PTPRB: variants seen among roughly 807,000 people sequenced by gnomAD.
PTPRB encodes the protein protein tyrosine phosphatase receptor type B.
Under a neutral mutation model 238.1 loss-of-function variants are expected in PTPRB, and 97 were observed. The observed-to-expected ratio is 0.41, with a 90% CI of 0.35 to 0.48. The LOEUF is 0.48. Among genes scored for constraint, PTPRB ranks in the 20% least tolerant of loss-of-function variants. The pLI, the probability that PTPRB is intolerant of heterozygous loss-of-function variation, is 0.30. For synonymous variants in PTPRB, 970 were observed against 995.4 expected, an observed-to-expected ratio of 0.97 and a Z score of 0.48; for missense variants, 2,292 against 2,681.9, an observed-to-expected ratio of 0.85 and a Z score of 3.21.
rs116298867 is a variant in PTPRB at position 70,561,717 on chromosome 12, C to G, written c.4169-783G>C. Among the ~76,000 whole-genome samples, 142 of 152,330 alleles carry G rather than the reference C, an allele frequency of 9.3e-4. 3 individuals carry two copies. The highest frequency in any genetic ancestry group is 3.3e-3 in the African/African-American group (139 of 41,588). ...GGCTCCCCTCACCTTTAGGTCTCTG[C>G]TGAAATGCCTTCTCCTATCTAAAGC... On this transcript the variant is annotated intron_variant, in intron 16 of 33. Transcript: ENST00000334414.
chr12:70,587,042 T>G lies in PTPRB; in HGVS notation c.2276A>C (p.Asp759Ala). Residue 759 changes from aspartate to alanine, a missense_variant, in exon 9 of 34, where the codon GAC becomes GCC. Asp to Ala is a moderately radical substitution (Grantham distance 126, BLOSUM62 -2). Around this residue, in one of 4 missense-constraint regions of PTPRB, gnomAD observed 1,205 missense variants for 1,287.8 expected, o/e 0.94. Transcript: ENST00000334414. The stretch of plus-strand genomic sequence containing the variant: ...TTTTACTGAAGAGGAATTTTTTAAG[T>G]CTCCACTAATACTGGTGACTGTAGC... ...YMATVTSISG[D>A]LKNSSSVKGR... 6.2e-7 allele frequency: 1 copy of G among 1,613,762 alleles called. No individual in the cohort carries two copies. The highest frequency in any genetic ancestry group is 1.7e-5 in the Admixed American group (1 of 60,006).
At chr12:70,549,746 G>A (rs981338276) in intron 21 of PTPRB, among the ~76,000 whole-genome samples, 2 of 152,108 alleles carry the variant, frequency 1.3e-5, no homozygotes, top group Non-Finnish European at 2.9e-5. Flanking sequence ...GATGTGCTTT[G>A]GGAGACGACA....
intron 4 of PTPRB, among the ~76,000 whole-genome samples, chr12:70,603,038 T>C (rs1000476371): frequency 4.5e-5 from 4 of 88,684 alleles, no homozygotes; most frequent in Non-Finnish European, 6.9e-5. Context: ...TTTTCCTTTG[T>C]TTTTTTTTTG....
Position 70,587,142 on chromosome 12 carries a change from G to A in PTPRB, c.2176C>T (p.Leu726=). 6.2e-7 allele frequency: 1 copy of A among 1,613,938 alleles called. No individual in the cohort carries two copies. Among genetic ancestry groups the A allele is most frequent in the Non-Finnish European group, 8.5e-7 (1 of 1,179,842 alleles). The change falls in exon 9 of 34, where the codon CTG becomes TTG. Residue 726 remains leucine, a synonymous_variant. Coordinates refer to ENST00000334414, the MANE Select transcript of PTPRB (RefSeq NM_001109754.4). Reference sequence around the variant, plus strand: ...TCTTTGGAGAGTGACTTGTGGATCAGTAAGAGGTCTCTGTCAGCTAGGGAA... The same window carrying A: ...TCTTTGGAGAGTGACTTGTGGATCAATAAGAGGTCTCTGTCAGCTAGGGAA... The part of the protein sequence containing the change: ...IISLADRDLL[L]IHKSLSKDAK...
At chr12:70,577,046 A>C (rs1880863033) in intron 10 of PTPRB, among the ~76,000 whole-genome samples, 1 of 152,216 alleles carries the variant, frequency 6.6e-6, no homozygotes, top group African/African-American at 2.4e-5. Flanking sequence ...CAAACTTACC[A>C]ATAAAGCAAA....
Position 70,581,102 on chromosome 12 carries a change from A to C in PTPRB, c.2512T>G (p.Ser838Ala). Residue 838 changes from serine to alanine, a missense_variant, in exon 10 of 34, where the codon TCC becomes GCC. By Grantham distance (99) the Ser-to-Ala change is moderately conservative. Coordinates refer to ENST00000334414, the MANE Select transcript of PTPRB (RefSeq NM_001109754.4). ...FHSLKSGSLY[S>A]VVVTTVSGGI... is the part of the protein sequence containing the mutation. ...CCACTCACTGTTGTTACCACCACGG[A>C]GTACAGGCTGCCGGACTTGAGAGAG... 4.3e-6 allele frequency: 7 copies of C among 1,614,044 alleles called. No individual in the cohort carries two copies. Among genetic ancestry groups the C allele is most frequent in the Non-Finnish European group, 5.9e-6 (7 of 1,179,908 alleles).
chr12:70,628,532 C>T (rs1885306187), intron 2 of PTPRB, among the ~76,000 whole-genome samples: 1 of 152,020 alleles, frequency 6.6e-6, no homozygotes, highest in African/African-American at 2.4e-5. Flanking sequence ...TTTTAATTTC[C>T]CCCTGGCAAG....
intron 4 of PTPRB, among the ~76,000 whole-genome samples, chr12:70,601,765 G>A (rs76604797): frequency 0.014 from 2,178 of 151,020 alleles, 46 homozygotes; most frequent in African/African-American, 0.05. Flanking sequence ...CATTTCTAGA[G>A]AGGTAATTTC....
intron 3 of PTPRB, among the ~76,000 whole-genome samples, chr12:70,620,909 T>C (rs1220520116): frequency 1.3e-5 from 2 of 152,212 alleles, no homozygotes; most frequent in African/African-American, 2.4e-5. Flanking sequence ...TGTATGTTAT[T>C]TGGGTGATAG....
At chr12:70,555,592 T>C (rs1476344213) in intron 19 of PTPRB, among the ~76,000 whole-genome samples, 1 of 152,224 alleles carries the variant, frequency 6.6e-6, no homozygotes, top group Non-Finnish European at 1.5e-5. Flanking sequence ...AGCTCCATTA[T>C]AGCTCTAACT....
chr12:70,609,379 T>A (rs746901625), intron 3 of PTPRB, 40 bp from the exon 4 acceptor site: 3 of 1,597,540 alleles, frequency 1.9e-6, no homozygotes, highest in Non-Finnish European at 2.6e-6. Context: ...GTCCACAGTC[T>A]GGACTGCTCA....
rs767208158 is a variant in PTPRB, at chr12:70,555,263, C to T, written c.5040G>A (p.Val1680=). 2 of 1,613,610 alleles carry T rather than the reference C, an allele frequency of 1.2e-6. No homozygotes were observed. Among genetic ancestry groups the T allele is most frequent in the South Asian group, 1.1e-5 (1 of 91,044 alleles). Residue 1680 remains valine (V), a synonymous_variant, in exon 20 of 34, where the codon GTG becomes GTA. Coordinates refer to ENST00000334414, the MANE Select transcript of PTPRB (RefSeq NM_001109754.4). ...AGTTGATGGAAGACTTGCTAATTAG[C>T]ACATCCTTTTCATTCACACGAATGT... ...PPHIRVNEKD[V]LISKSSINFT... is the part of the protein sequence containing the mutation.
At chr12:70,542,135 C>T (rs1389992599) in intron 22 of PTPRB, 1 of 152,118 alleles carries the variant, frequency 6.6e-6, no homozygotes, top group Non-Finnish European at 1.5e-5. Flanking sequence ...TGATTATAGC[C>T]ATGCTACTGG....
intron 10 of PTPRB, among the ~76,000 whole-genome samples, chr12:70,579,983 T>C (rs114958117): frequency 4.6e-5 from 7 of 152,126 alleles, no homozygotes; most frequent in South Asian, 2.1e-4. Flanking sequence ...AAAATAATTA[T>C]ATAAAATTAA....
chr12:70,569,171 C>T (rs751072874), intron 14 of PTPRB, among the ~76,000 whole-genome samples: 1 of 152,078 alleles, frequency 6.6e-6, no homozygotes, highest in Non-Finnish European at 1.5e-5. Flanking sequence ...GGCACGATCA[C>T]GACTCACTGC....
At position 70,611,558 on chromosome 12, in the gene PTPRB, C is replaced by A. The variant is rs192190484; in HGVS notation, c.709-2219G>T. 3.9e-5 allele frequency among the ~76,000 whole-genome samples: 6 copies of A among 152,334 alleles called. No individual in the cohort carries two copies. The East Asian group carries it at 1.2e-3, about 29-fold the overall frequency. On this transcript the variant is annotated intron_variant, in intron 3 of 33. Coordinates refer to ENST00000334414, the MANE Select transcript of PTPRB (RefSeq NM_001109754.4). ...CAAGTGATCGACCCGCCTTGGCCTC[C>A]CAAAGTGCTGGGATTACAGGCGTGT...
chr12:70,571,722 GTAATGTAC>G lies in PTPRB; in HGVS notation c.3106+94_3106+101del. On this transcript the variant is annotated intron_variant, in intron 12 of 33. Coordinates refer to ENST00000334414, the MANE Select transcript of PTPRB (RefSeq NM_001109754.4). ...GCACCAAGTGAGACTTACTGGGAAT[GTAATGTAC>G]TAATGAATAAGCAGAAAAAATTCAA... The G allele has an allele frequency of 2.3e-6, 3 of 1,283,506 alleles. No homozygotes were observed. In the South Asian group the frequency reaches 4.4e-5, roughly 19 times the overall value. The allele number at this position is 1,283,506 out of a possible 1,614,324, so 79.5% of individuals were successfully genotyped here.
intron 33 of PTPRB, among the ~76,000 whole-genome samples, chr12:70,524,180 C>T (rs1229768350): frequency 6.6e-6 from 1 of 152,042 alleles, no homozygotes; most frequent in East Asian, 1.9e-4. Flanking sequence ...ACGATCTCAG[C>T]TCACTGTAGC....
intron 20 of PTPRB, among the ~76,000 whole-genome samples, 183 bp downstream of exon 20, chr12:70,554,977 C>T (rs1877433587): frequency 6.6e-6 from 1 of 152,172 alleles, no homozygotes; most frequent in Non-Finnish European, 1.5e-5. Flanking sequence ...GGCTTTATTG[C>T]CCAAAGAGCC....
Sources: gnomAD v4.1 joint callset for allele counts (sites outside exome capture counted in the v4.1 genomes callset) on GRCh38, gnomAD v4.1.1 for gene constraint, gnomAD v4.1.1 regional missense constraint, MANE v1.5 for transcripts, NCBI Gene and HGNC (gene_info 2026-07-23, HGNC 2026-07-21) for gene names.